The following ACSS3 variants were observed in gnomAD, a reference collection of about 807,000 sequenced individuals.
ACSS3 encodes the protein acyl-CoA synthetase short-chain family member 3, mitochondrial.
Under a neutral mutation model 84.2 loss-of-function variants are expected in ACSS3, and 64 were observed. The ratio of observed to expected loss-of-function variants is 0.76; its 90% CI spans 0.62 to 0.94. The LOEUF (loss-of-function observed/expected upper bound fraction) is 0.94, where lower values mean the gene tolerates loss of function less well. Ranked by LOEUF, ACSS3 falls within the 40% of genes least tolerant of loss-of-function variation. The pLI, the probability that ACSS3 is intolerant of heterozygous loss-of-function variation, is 0.00. For synonymous variants in ACSS3, 317 were observed against 310.1 expected (o/e 1.02, Z -0.23); for missense variants, 815 against 867.6 (o/e 0.94, Z 0.76).
chr12:81,234,397 T>A (rs2033564028), intron 13 of ACSS3, among the ~76,000 whole-genome samples: 1 of 151,416 alleles, frequency 6.6e-6, no homozygotes, highest in African/African-American at 2.4e-5. Context: ...ATATTTTATT[T>A]CTCTAGGATA....
intron 7 of ACSS3, among the ~76,000 whole-genome samples, chr12:81,163,553 A>C (rs1034019750): frequency 6.6e-6 from 1 of 152,214 alleles, no homozygotes; most frequent in Non-Finnish European, 1.5e-5. Context: ...ATATTAAAAA[A>C]GGTTAACTCT....
At chr12:81,100,697 T>C (rs1882440340) in intron 1 of ACSS3, among the ~76,000 whole-genome samples, 1 of 152,216 alleles carries the variant, frequency 6.6e-6, no homozygotes, top group African/African-American at 2.4e-5. Flanking sequence ...ATCCTACAAA[T>C]TGATCTTGGG....
At chr12:81,100,544 A>G (rs1428481602) in intron 1 of ACSS3, among the ~76,000 whole-genome samples, 1 of 152,172 alleles carries the variant, frequency 6.6e-6, no homozygotes, top group Non-Finnish European at 1.5e-5. Context: ...TAAATTATGA[A>G]ATACAACAAT....
chr12:81,184,141 T>C (rs1253532860), intron 8 of ACSS3, among the ~76,000 whole-genome samples: 1 of 152,026 alleles, frequency 6.6e-6, no homozygotes, highest in Non-Finnish European at 1.5e-5. Flanking sequence ...TGGAGTAATC[T>C]TGTGTAGTTC....
chr12:81,160,663 T>C (rs1019167994), intron 7 of ACSS3, among the ~76,000 whole-genome samples: 1 of 152,228 alleles, frequency 6.6e-6, no homozygotes, highest in African/African-American at 2.4e-5. Flanking sequence ...TGAATAAATA[T>C]ATTATTTGGT....
chr12:81,168,883 G>C (rs1238444504), intron 7 of ACSS3, among the ~76,000 whole-genome samples: 1 of 152,168 alleles, frequency 6.6e-6, no homozygotes, highest in Non-Finnish European at 1.5e-5. Flanking sequence ...GGGCAACCAG[G>C]CAGGTTGGTA....
At chr12:81,230,634 A>G (rs1224609030) in intron 11 of ACSS3, among the ~76,000 whole-genome samples, 1 of 151,896 alleles carries the variant, frequency 6.6e-6, no homozygotes, top group Non-Finnish European at 1.5e-5. Flanking sequence ...AGAATATTCT[A>G]TTACACAGAG....
chr12:81,152,793 G>A (rs1262894658), intron 7 of ACSS3, among the ~76,000 whole-genome samples: 4 of 151,876 alleles, frequency 2.6e-5, no homozygotes, highest in Non-Finnish European at 4.4e-5. Context: ...TGGACTTTTG[G>A]GACAAATTTA....
chr12:81,129,643 T>C (rs1885354485), intron 2 of ACSS3, among the ~76,000 whole-genome samples: 2 of 152,222 alleles, frequency 1.3e-5, no homozygotes, highest in African/African-American at 4.8e-5. Flanking sequence ...TTTTTTATTA[T>C]ACTTTAAGTT....
At chr12:81,082,862 T>C (rs1356595075) in intron 1 of ACSS3, among the ~76,000 whole-genome samples, 3 of 152,126 alleles carry the variant, frequency 2.0e-5, no homozygotes, top group Non-Finnish European at 4.4e-5. Flanking sequence ...AAGGATTAAA[T>C]TGGGTGAGAG....
rs1487751886 is a variant in ACSS3, at chr12:81,078,362, C to G, written c.242C>G (p.Ala81Gly). 1 of 1,612,698 alleles carries G rather than the reference C, an allele frequency of 6.2e-7. No homozygotes were observed. Among genetic ancestry groups the G allele is most frequent in the Non-Finnish European group, 8.5e-7 (1 of 1,179,970 alleles). Residue 81 changes from alanine to glycine, a missense_variant, in exon 1 of 16, where the codon GCC becomes GGC. Physicochemically the swap from Ala to Gly is moderately conservative, Grantham distance 60. Coordinates refer to ENST00000548058, the MANE Select transcript of ACSS3 (RefSeq NM_024560.4). ...CCCGAGAGGTTCTGGGGCAAAGCTG[C>G]CGAGCAGATCAGCTGGTACAAGCCC... is the stretch of plus-strand genomic sequence containing the variant. Reference protein sequence around the residue: ...TDPERFWGKAAEQISWYKPWT... With the variant: ...TDPERFWGKAGEQISWYKPWT...
chr12:81,216,930 G>A lies in ACSS3; in HGVS notation c.1384G>A (p.Val462Ile). ...TGGATCTCCAATTACTGCGTCATGT[G>A]TTGGATTAGGCAATTCTAAAACACC... ...ETGSPITASCVGLGNSKTPPP... is the reference protein window; with the variant it reads ...ETGSPITASCIGLGNSKTPPP... The change falls in exon 10 of 16, where the codon GTT becomes ATT. Residue 462 changes from valine to isoleucine, a missense_variant. By Grantham distance (29) the Val-to-Ile change is conservative. Coordinates refer to ENST00000548058, the MANE Select transcript of ACSS3 (RefSeq NM_024560.4). 1 of 1,611,284 alleles carries A rather than the reference G, an allele frequency of 6.2e-7. No individual in the cohort carries two copies.
At chr12:81,152,188 G>T in intron 7 of ACSS3, 92 bp downstream of exon 7, 1 of 971,926 alleles carries the variant, frequency 1.0e-6, no homozygotes, top group Non-Finnish European at 1.5e-6. Context: ...GAAAAATTGG[G>T]GTGGGGACAG....
chr12:81,257,871 T>C lies in ACSS3; in HGVS notation c.*2949T>C, dbSNP rs1343866398. On this transcript the variant is annotated 3_prime_UTR_variant, in exon 16 of 16. Coordinates refer to ENST00000548058, the MANE Select transcript of ACSS3 (RefSeq NM_024560.4). ...GAGGGAAATACCTGGATCTTTTGCA[T>C]CACTATATGTTAGTGTCTATTATAG... 6.6e-6 allele frequency: 1 copy of C among 152,174 alleles called. No individual in the cohort carries two copies. Among genetic ancestry groups the C allele is most frequent in the Non-Finnish European group, 1.5e-5 (1 of 68,006 alleles). 9.4% of individuals were successfully genotyped at this position (152,174 alleles called of 1,614,324 possible).
At chr12:81,123,401 G>A (rs769369086) in intron 2 of ACSS3, among the ~76,000 whole-genome samples, 7 of 152,082 alleles carry the variant, frequency 4.6e-5, no homozygotes, top group Admixed American at 1.3e-4. Flanking sequence ...TAAACCTCTC[G>A]TATTCTTATA....
chr12:81,093,971 G>GT (rs1881848126), intron 1 of ACSS3, among the ~76,000 whole-genome samples: 1 of 151,740 alleles, frequency 6.6e-6, no homozygotes, highest in Non-Finnish European at 1.5e-5. Flanking sequence ...TGTAAGAAGT[G>GT]TTTTTTCCAT....
chr12:81,188,333 T>C (rs2031384868), intron 8 of ACSS3, among the ~76,000 whole-genome samples: 1 of 152,036 alleles, frequency 6.6e-6, no homozygotes, highest in Non-Finnish European at 1.5e-5. Context: ...AGTAATTTAA[T>C]AGGGAACTAT....
At chr12:81,097,740 C>T (rs906054798) in intron 1 of ACSS3, among the ~76,000 whole-genome samples, 19 of 152,082 alleles carry the variant, frequency 1.2e-4, no homozygotes, top group African/African-American at 3.4e-4. Flanking sequence ...TATAAAATTA[C>T]GATCGTGGAA....
chr12:81,123,860 T>G (rs1884854532), intron 2 of ACSS3, among the ~76,000 whole-genome samples: 2 of 152,196 alleles, frequency 1.3e-5, no homozygotes, highest in African/African-American at 4.8e-5. Flanking sequence ...CTTTATCCAG[T>G]CCACCATTGG....
Sources: allele counts gnomAD v4.1 joint callset (sites outside exome capture counted in the v4.1 genomes callset), GRCh38; gene constraint gnomAD v4.1.1; transcripts MANE v1.5; gene names NCBI Gene and HGNC (gene_info 2026-07-23, HGNC 2026-07-21).